ZSWIM5: variants seen among roughly 807,000 people sequenced by gnomAD.
The protein encoded by ZSWIM5 is zinc finger SWIM domain-containing protein 5.
ZSWIM5 carries 55 observed loss-of-function variants against 119.6 expected under a neutral mutation model. The ratio of observed to expected loss-of-function variants is 0.46; its 90% CI spans 0.37 to 0.58. ZSWIM5 has a LOEUF of 0.58. ZSWIM5 is among the 20% of genes least tolerant of loss of function. ZSWIM5 has a pLI of 0.00. For synonymous variants in ZSWIM5, 537 were observed against 606.9 expected, an observed-to-expected ratio of 0.88 and a Z score of 1.69; for missense variants, 1,193 against 1,512.8, an observed-to-expected ratio of 0.79 and a Z score of 3.51.
At chr1:45,050,467 G>T (rs531604660) in intron 5 of ZSWIM5, among the ~76,000 whole-genome samples, 5 of 152,272 alleles carry the variant, frequency 3.3e-5, no homozygotes, top group African/African-American at 1.2e-4. Context: ...ACATCAAATA[G>T]ACTGAATTAG....
chr1:45,082,668 A>G (rs1307160425), intron 2 of ZSWIM5, among the ~76,000 whole-genome samples: 1 of 152,238 alleles, frequency 6.6e-6, no homozygotes, highest in African/African-American at 2.4e-5. Context: ...CTGTTGTAGA[A>G]AGCTAATATA....
At position 45,206,209 on chromosome 1, in the gene ZSWIM5, C is replaced by G; in HGVS notation, c.142G>C (p.Gly48Arg). 6.3e-7 allele frequency: 1 copy of G among 1,592,920 alleles called. No individual in the cohort carries two copies. Among genetic ancestry groups the G allele is most frequent in the Non-Finnish European group, 8.5e-7 (1 of 1,171,330 alleles). ...GCCCCGAGGACCAGGCAGCTGCTGC[C>G]GACGCCCCCTGCCCCTCCGCCGGCT... Reference protein sequence around the residue: ...GAAGGGAGGVGSSCLVLGARP... With the variant: ...GAAGGGAGGVRSSCLVLGARP... The change falls in exon 1 of 14, where the codon GGC (glycine) becomes CGC (arginine). Residue 48 changes from glycine to arginine, a missense_variant. By Grantham distance (125) the Gly-to-Arg change is moderately radical (BLOSUM62 -2). Coordinates refer to ENST00000359600, the MANE Select transcript of ZSWIM5 (RefSeq NM_020883.2).
intron 1 of ZSWIM5, among the ~76,000 whole-genome samples, chr1:45,170,830 C>G (rs1459552428): frequency 6.6e-6 from 1 of 152,036 alleles, no homozygotes; most frequent in Non-Finnish European, 1.5e-5. Flanking sequence ...AAGTGATCCT[C>G]CTGCCTCAGC....
Position 45,206,123 on chromosome 1 carries a change from C to T in ZSWIM5, c.228G>A (p.Lys76=). 1 of 1,611,434 alleles carries T rather than the reference C, an allele frequency of 6.2e-7. No homozygotes were observed. Among genetic ancestry groups the T allele is most frequent in the Non-Finnish European group, 8.5e-7 (1 of 1,179,324 alleles). The change falls in exon 1 of 14, where the codon AAG becomes AAA. Residue 76 remains lysine, a synonymous_variant. Transcript: ENST00000359600. ...GCTCCTCCACCCGTTCGTATGCCCA[C>T]TTTTCCGCCACCGTCTTGGCGGCGC... is the stretch of plus-strand genomic sequence containing the variant. ...LDCAAKTVAE[K]WAYERVEERF... is the part of the protein sequence containing the mutation.
chr1:45,137,992 G>A lies in ZSWIM5; in HGVS notation c.596-49755C>T, dbSNP rs532481400. Among the ~76,000 whole-genome samples, 9 of 152,206 alleles carry A rather than the reference G, an allele frequency of 5.9e-5. No individual in the cohort carries two copies. In the East Asian group the frequency reaches 9.6e-4, roughly 16 times the overall value. On this transcript the variant is annotated intron_variant, in intron 1 of 13. Transcript: ENST00000359600. ...CATTGGCCTGAATTAGGGTGATAAC[G>A]GTGGAAAGGGTTGGAAGCAGTTCCT...
At chr1:45,064,131 T>C (rs1359217556) in intron 2 of ZSWIM5, among the ~76,000 whole-genome samples, 2 of 152,204 alleles carry the variant, frequency 1.3e-5, no homozygotes, top group African/African-American at 2.4e-5. Context: ...GCCGAAAGTA[T>C]GCCCATCTTA....
At chr1:45,034,499 C>G (rs772850436) in intron 10 of ZSWIM5, 30 bp from the exon 11 acceptor site, 212 of 1,565,170 alleles carry the variant, frequency 1.4e-4, no homozygotes, top group Non-Finnish European at 1.8e-4. Context: ...TCATCAGCCA[C>G]CATCCAGACC....
At chr1:45,180,015 G>A (rs190029069) in intron 1 of ZSWIM5, among the ~76,000 whole-genome samples, 31 of 152,260 alleles carry the variant, frequency 2.0e-4, no homozygotes, top group African/African-American at 2.6e-4. Flanking sequence ...CACAGAAGAC[G>A]GGTGATTTCT....
chr1:45,020,723 TGAGG>T lies in ZSWIM5; in HGVS notation c.2511_2514del (p.Leu838SerfsTer34). On this transcript the variant is annotated frameshift_variant, in exon 12 of 14. Coordinates refer to ENST00000359600, the MANE Select transcript of ZSWIM5 (RefSeq NM_020883.2). LOFTEE classifies it high-confidence loss of function. ...AATGCATCTTGGGCCAGTTTGAAGA[TGAGG>T]GAGGAAGAATGAATGTGCTTCTGTA... The T allele has an allele frequency of 6.2e-7, 1 of 1,614,158 alleles. No individual in the cohort carries two copies. The highest frequency in any genetic ancestry group is 8.5e-7 in the Non-Finnish European group (1 of 1,180,036).
intron 2 of ZSWIM5, among the ~76,000 whole-genome samples, chr1:45,076,325 TTTTG>T (rs980742042): frequency 6.6e-6 from 1 of 151,962 alleles, no homozygotes; most frequent in African/African-American, 2.4e-5. Context: ...AACCCTCAGT[TTTTG>T]TTTGTCTGGG....
intron 2 of ZSWIM5, among the ~76,000 whole-genome samples, chr1:45,075,109 G>C (rs940992232): frequency 6.6e-6 from 1 of 151,888 alleles, no homozygotes; most frequent in Non-Finnish European, 1.5e-5. Flanking sequence ...ACTGTTTTAA[G>C]ACTTGTTTTG....
At chr1:45,075,611 T>C (rs927139926) in intron 2 of ZSWIM5, among the ~76,000 whole-genome samples, 4 of 152,184 alleles carry the variant, frequency 2.6e-5, no homozygotes, top group Admixed American at 6.5e-5. Context: ...AAGTGAAGTG[T>C]GTTTCTTGTA....
In ZSWIM5 at chr1:45,057,941, A is replaced by G. The variant is rs1198238718; in HGVS notation, c.1252+668T>C. Among the ~76,000 whole-genome samples the G allele has an allele frequency of 6.6e-6, 1 of 152,240 alleles. No homozygotes were observed. The highest frequency in any genetic ancestry group is 2.4e-5 in the African/African-American group (1 of 41,466). On this transcript the variant is annotated intron_variant, in intron 4 of 13. Transcript: ENST00000359600. The surrounding 1 kb of genome is among the most constrained non-coding windows in gnomAD (Gnocchi z 4.7). ...AGTTGGTCACTGGATGTAGGGAATG[A>G]AAGAAAAATGAGTGCTTAGCAATAA... is the stretch of plus-strand genomic sequence containing the variant.
intron 1 of ZSWIM5, among the ~76,000 whole-genome samples, chr1:45,136,180 T>C (rs1215872960): frequency 6.6e-6 from 1 of 152,138 alleles, no homozygotes; most frequent in African/African-American, 2.4e-5. Flanking sequence ...GAAGTCTTGG[T>C]AGGGCTTTTT....
At chr1:45,105,806 G>C (rs1386958956) in intron 1 of ZSWIM5, among the ~76,000 whole-genome samples, 1 of 150,326 alleles carries the variant, frequency 6.7e-6, no homozygotes, top group Non-Finnish European at 1.5e-5. Context: ...TCTGGGATGT[G>C]AGGAGAGCCT....
rs1254010464 is a variant in ZSWIM5, at chr1:45,035,693, G to A, written c.2286C>T (p.Ala762=). The A allele has an allele frequency of 6.2e-7, 1 of 1,613,352 alleles. No individual in the cohort carries two copies. Among genetic ancestry groups the A allele is most frequent in the South Asian group, 1.1e-5 (1 of 91,040 alleles). ...ACTGGGAAAGGGCTACCCACCTCAT[G>A]GCACGTAAGGCTAATTTATAGGACA... The part of the protein sequence containing the change: ...PDLSYKLALR[A]MRLPVLENSA... Residue 762 remains alanine, a synonymous_variant, in exon 10 of 14, where the codon GCC becomes GCT. Transcript: ENST00000359600.
chr1:45,091,378 G>A (rs1030573166), intron 1 of ZSWIM5, among the ~76,000 whole-genome samples: 6 of 151,678 alleles, frequency 4.0e-5, no homozygotes, highest in African/African-American at 1.2e-4. Context: ...AAGCCCCTGA[G>A]TCTAAAGGTG....
intron 1 of ZSWIM5, among the ~76,000 whole-genome samples, chr1:45,182,795 T>A (rs1646030165): frequency 6.6e-6 from 1 of 152,028 alleles, no homozygotes; most frequent in Admixed American, 6.6e-5. Flanking sequence ...CACACAATAA[T>A]AAGGGAGACT....
intron 1 of ZSWIM5, among the ~76,000 whole-genome samples, chr1:45,141,774 C>G (rs930776545): frequency 7.9e-5 from 12 of 152,028 alleles, no homozygotes; most frequent in East Asian, 3.9e-4. Context: ...ACCTTGAACA[C>G]GCACACAAAA....
Sources: gnomAD v4.1 joint callset for allele counts (sites outside exome capture counted in the v4.1 genomes callset) on GRCh38, gnomAD v4.1.1 for gene constraint, Gnocchi (gnomAD v3.1) non-coding constraint, MANE v1.5 for transcripts, NCBI Gene and HGNC (gene_info 2026-07-23, HGNC 2026-07-21) for gene names.